The following TPH2 variants were observed in gnomAD, a reference collection of about 807,000 sequenced individuals.
The protein encoded by TPH2 is tryptophan hydroxylase 2, also known as tryptophan 5-hydroxylase 2.
TPH2 carries 27 observed loss-of-function variants against 59.1 expected under a neutral mutation model. The observed-to-expected ratio is 0.46, with a 90% CI of 0.34 to 0.63. TPH2 has a LOEUF of 0.63. Ranked by LOEUF, TPH2 falls within the 30% of genes least tolerant of loss-of-function variation. The probability of loss-of-function intolerance (pLI) is 0.01; values close to 1 mark genes in which losing one functional copy is unlikely to be tolerated. For synonymous variants in TPH2, 220 were observed against 210.5 expected, an observed-to-expected ratio of 1.05 and a Z score of -0.39; for missense variants, 523 against 588.3, an observed-to-expected ratio of 0.89 and a Z score of 1.15.
chr12:72,014,941 G>A (rs1012084918), intron 8 of TPH2, among the ~76,000 whole-genome samples: 10 of 152,240 alleles, frequency 6.6e-5, no homozygotes, highest in East Asian at 1.9e-4. Context: ...GGTTCCCAAC[G>A]TTGATTTTTA....
intron 8 of TPH2, among the ~76,000 whole-genome samples, chr12:72,006,588 A>G (rs1201977741): frequency 2.0e-5 from 3 of 152,090 alleles, no homozygotes. Context: ...TTCCAGTCAG[A>G]TATTGAGGGT....
chr12:71,966,414 G>A (rs558840688), intron 5 of TPH2, among the ~76,000 whole-genome samples: 2 of 152,298 alleles, frequency 1.3e-5, no homozygotes, highest in African/African-American at 4.8e-5. Flanking sequence ...AATTTCTAAT[G>A]AGTTGCAAAG....
intron 5 of TPH2, among the ~76,000 whole-genome samples, chr12:71,960,241 A>T (rs1323855232): frequency 6.6e-6 from 1 of 152,212 alleles, no homozygotes; most frequent in Non-Finnish European, 1.5e-5. Context: ...CTTCTCCTGT[A>T]GAATTCAAAT....
At chr12:71,972,867 G>A (rs17110566) in intron 6 of TPH2, 152 bp downstream of exon 6, 32,247 of 794,336 alleles carry the variant, frequency 0.041, 1,225 homozygotes, top group East Asian at 0.13. Flanking sequence ...GCGGCCACCT[G>A]TGGGAAGCAG....
At chr12:71,978,872 A>G (rs1592395806) in intron 6 of TPH2, 80 bp from the exon 7 acceptor site, 1 of 1,566,424 alleles carries the variant, frequency 6.4e-7, no homozygotes, top group East Asian at 2.2e-5. Context: ...GATCTTCCTT[A>G]TAAATAGTAG....
chr12:71,949,662 A>G lies in TPH2; in HGVS notation c.608+7A>G. ...TGGCCATGGGTTATAAATAGTAAGT[A>G]CCTGTATAACTCTTTCTTGTCACTG... On this transcript the variant is annotated splice_region_variant and intron_variant, in intron 5 of 10. Coordinates refer to ENST00000333850, the MANE Select transcript of TPH2 (RefSeq NM_173353.4). 1 of 1,607,698 alleles carries G rather than the reference A, an allele frequency of 6.2e-7. No homozygotes were observed. Among genetic ancestry groups the G allele is most frequent in the Non-Finnish European group, 8.5e-7 (1 of 1,174,288 alleles).
At chr12:71,969,137 G>C (rs1871900122) in intron 5 of TPH2, among the ~76,000 whole-genome samples, 2 of 152,098 alleles carry the variant, frequency 1.3e-5, no homozygotes, top group African/African-American at 4.8e-5. Context: ...CAAAAAATTA[G>C]CCGGGCGTGG....
intron 7 of TPH2, among the ~76,000 whole-genome samples, chr12:71,988,404 G>T (rs143471020): frequency 2.8e-4 from 42 of 152,296 alleles, no homozygotes; most frequent in Middle Eastern, 3.4e-3. Context: ...TGCACAGGAA[G>T]CATAGTGGCA....
chr12:71,946,046 C>T (rs897083705), intron 4 of TPH2, among the ~76,000 whole-genome samples: 6 of 152,094 alleles, frequency 3.9e-5, no homozygotes, highest in African/African-American at 1.4e-4. Context: ...GACGTAGGAG[C>T]TAAGCAGTAC....
intron 7 of TPH2, among the ~76,000 whole-genome samples, chr12:71,993,629 C>G (rs1035487144): frequency 1.3e-5 from 2 of 152,146 alleles, no homozygotes; most frequent in Non-Finnish European, 2.9e-5. Context: ...CTAGTTCAGG[C>G]TAACCAAAGC....
chr12:72,017,958 C>A (rs1014714407), intron 8 of TPH2, among the ~76,000 whole-genome samples: 2 of 152,146 alleles, frequency 1.3e-5, no homozygotes. Context: ...GTATTGAAAA[C>A]AGAAAGAGAA....
intron 8 of TPH2, among the ~76,000 whole-genome samples, chr12:72,014,395 CT>C (rs71437200): frequency 2.4e-4 from 34 of 139,864 alleles, no homozygotes; most frequent in South Asian, 2.2e-4. Flanking sequence ...TTCTTTTTTT[CT>C]TTTTTTTTTT....
At chr12:71,994,864 G>T (rs901071327) in intron 8 of TPH2, among the ~76,000 whole-genome samples, 2 of 152,162 alleles carry the variant, frequency 1.3e-5, no homozygotes, top group African/African-American at 2.4e-5. Flanking sequence ...TAGCCACTGT[G>T]GTATGAAAGC....
intron 8 of TPH2, among the ~76,000 whole-genome samples, chr12:72,004,723 C>T (rs1395232349): frequency 6.6e-6 from 1 of 152,046 alleles, no homozygotes; most frequent in Non-Finnish European, 1.5e-5. Context: ...CTAGCAAAAG[C>T]AGAAAGAAGA....
At chr12:72,030,819 C>G (rs2139252836) in intron 9 of TPH2, among the ~76,000 whole-genome samples, 1 of 152,184 alleles carries the variant, frequency 6.6e-6, no homozygotes, top group Non-Finnish European at 1.5e-5. Flanking sequence ...GCCCCAATTA[C>G]CTCTCCATGC....
At chr12:71,980,481 A>G (rs146264903) in intron 7 of TPH2, among the ~76,000 whole-genome samples, 5 of 152,186 alleles carry the variant, frequency 3.3e-5, no homozygotes, top group Non-Finnish European at 7.4e-5. Context: ...CAGTCCAGGT[A>G]GGTCCCTGTC....
intron 8 of TPH2, among the ~76,000 whole-genome samples, chr12:71,999,388 C>G (rs946800484): frequency 2.0e-5 from 3 of 152,226 alleles, no homozygotes; most frequent in African/African-American, 7.2e-5. Flanking sequence ...ATAATTTGCC[C>G]TCTGGTGGAT....
intron 5 of TPH2, among the ~76,000 whole-genome samples, chr12:71,961,150 G>T (rs1871670730): frequency 6.6e-6 from 1 of 152,128 alleles, no homozygotes; most frequent in South Asian, 2.1e-4. Context: ...CAAGAGTGGG[G>T]TCTCTAGAGC....
At position 71,938,914 on chromosome 12, in the gene TPH2, T is replaced by C; in HGVS notation, c.-73T>C. Reference sequence around the variant, plus strand: ...GCAGCTGATCGCACGCCCCTTCCTCTCAATCTCCGCCAGCGCTGCTACTGC... The same window carrying C: ...GCAGCTGATCGCACGCCCCTTCCTCCCAATCTCCGCCAGCGCTGCTACTGC... On this transcript the variant is annotated 5_prime_UTR_variant, in exon 1 of 11. Transcript: ENST00000333850. 5 of 1,331,370 alleles carry C rather than the reference T, an allele frequency of 3.8e-6. No individual in the cohort carries two copies. Among genetic ancestry groups the C allele is most frequent in the Admixed American group, 3.4e-5 (2 of 59,644 alleles). The allele number at this position is 1,331,370 out of a possible 1,614,324, so 82.5% of individuals were successfully genotyped here. A position where few individuals can be genotyped will look rare whatever the true frequency, so the allele number is the denominator to read the frequency against.
Sources: allele counts gnomAD v4.1 joint callset (sites outside exome capture counted in the v4.1 genomes callset), GRCh38; gene constraint gnomAD v4.1.1; transcripts MANE v1.5; gene names NCBI Gene and HGNC (gene_info 2026-07-23, HGNC 2026-07-21).